Variants in NEXN observed in about 807,000 individuals in gnomAD.
NEXN encodes the protein nexilin.
In NEXN, 65 loss-of-function variants were observed where a neutral mutation model predicts 92.6. The ratio of observed to expected loss-of-function variants is 0.70; its 90% CI spans 0.57 to 0.86. The LOEUF is 0.86. Ranked by LOEUF, NEXN falls within the 40% of genes least tolerant of loss-of-function variation. The pLI is 0.00. For missense variants in NEXN, 778 were observed against 771.1 expected (o/e 1.01, Z -0.11); for synonymous variants, 254 against 242.5 (o/e 1.05, Z -0.44).
In NEXN at chr1:77,942,412, C is replaced by T. The variant is rs749569554; in HGVS notation, c.1660-49C>T. 4.4e-6 allele frequency: 7 copies of T among 1,582,034 alleles called. No individual in the cohort carries two copies. The African/African-American group carries it at 8.1e-5, about 18-fold the overall frequency. ...TTTCAAAATTGTTACTAAATCGCTGCCCTGAAAATACTATAAATGCCAACC... is the reference window on the plus strand; with the variant it reads ...TTTCAAAATTGTTACTAAATCGCTGTCCTGAAAATACTATAAATGCCAACC... On this transcript the variant is annotated intron_variant, in intron 12 of 12. Coordinates refer to ENST00000334785, the MANE Select transcript of NEXN (RefSeq NM_144573.4).
Position 77,942,557 on chromosome 1 carries a change from A to C in NEXN, c.1756A>C (p.Lys586Gln). 1.9e-6 allele frequency: 3 copies of C among 1,613,942 alleles called. No homozygotes were observed. The highest frequency in any genetic ancestry group is 2.5e-6 in the Non-Finnish European group (3 of 1,179,842). Reference sequence around the variant, plus strand: ...CAGATCAGGAGCTCCATGGTTCAAGAAGCCTCTTAAAAACACATCAGTTGT... The same window carrying C: ...CAGATCAGGAGCTCCATGGTTCAAGCAGCCTCTTAAAAACACATCAGTTGT... ...QTRSGAPWFK[K>Q]PLKNTSVVDS... is the part of the protein sequence containing the mutation. The change falls in exon 13 of 13, where the codon AAG becomes CAG. Residue 586 changes from lysine to glutamine, a missense_variant. Around this residue, in one of 3 missense-constraint regions of NEXN, gnomAD observed 532 missense variants for 476.7 expected, o/e 1.12. Coordinates refer to ENST00000334785, the MANE Select transcript of NEXN (RefSeq NM_144573.4).
At chr1:77,903,310 T>A (rs1647863862) in intron 1 of NEXN, among the ~76,000 whole-genome samples, 2 of 152,292 alleles carry the variant, frequency 1.3e-5, no homozygotes, top group African/African-American at 4.8e-5. Context: ...ACCAATAATG[T>A]ATACTTAAAT....
In NEXN at chr1:77,918,169, G is replaced by A. The variant is rs1557974750; in HGVS notation, c.343G>A (p.Glu115Lys). The stretch of plus-strand genomic sequence containing the variant: ...TGCTGAAATGGAGAAACAAAGACAA[G>A]AGGAACAAAGGAAGAGAACGGAGGA... ...RFAEMEKQRQEEQRKRTEEER... is the reference protein window; with the variant it reads ...RFAEMEKQRQKEQRKRTEEER... Residue 115 changes from glutamate (E) to lysine (K), a missense_variant, in exon 5 of 13, where the codon GAG becomes AAG. By Grantham distance (56) the Glu-to-Lys change is moderately conservative. Around this residue, in one of 3 missense-constraint regions of NEXN, gnomAD observed 236 missense variants for 265.6 expected, o/e 0.89. Coordinates refer to ENST00000334785, the MANE Select transcript of NEXN (RefSeq NM_144573.4). 2 of 1,613,938 alleles carry A rather than the reference G, an allele frequency of 1.2e-6. No homozygotes were observed. The highest frequency in any genetic ancestry group is 4.5e-5 in the East Asian group (2 of 44,860).
chr1:77,900,598 T>A (rs1263557817), intron 1 of NEXN, among the ~76,000 whole-genome samples: 1 of 152,192 alleles, frequency 6.6e-6, no homozygotes, highest in Non-Finnish European at 1.5e-5. Flanking sequence ...TGATAAATTG[T>A]GTATGGGTTA....
chr1:77,941,963 G>T, intron 11 of NEXN, 60 bp from the exon 12 acceptor site: 2 of 1,521,028 alleles, frequency 1.3e-6, no homozygotes, highest in Non-Finnish European at 1.8e-6. Flanking sequence ...TTTAGAACTA[G>T]TAACGCTTCT....
At chr1:77,917,282 T>C (rs1477302554) in intron 2 of NEXN, among the ~76,000 whole-genome samples, 1 of 152,218 alleles carries the variant, frequency 6.6e-6, no homozygotes, top group African/African-American at 2.4e-5. Context: ...TTGATTTTTA[T>C]ATTTTACTGG....
chr1:77,926,337 C>A, intron 6 of NEXN, 77 bp from the exon 7 acceptor site: 1 of 921,706 alleles, frequency 1.1e-6, no homozygotes, highest in Non-Finnish European at 1.7e-6. Flanking sequence ...TGAAATTCAC[C>A]TATGATGGAG....
chr1:77,923,938 A>G (rs1347374773), intron 5 of NEXN, among the ~76,000 whole-genome samples: 7 of 152,088 alleles, frequency 4.6e-5, no homozygotes, highest in African/African-American at 1.4e-4. Flanking sequence ...AGCCTCTCAA[A>G]GTGCTGGGAT....
chr1:77,929,539 A>G (rs1193265779), intron 9 of NEXN, 35 bp downstream of exon 9: 2 of 1,610,476 alleles, frequency 1.2e-6, no homozygotes, highest in African/African-American at 1.3e-5. Context: ...TGCTATTAGA[A>G]TTCACCTTTG....
chr1:77,895,520 A>C (rs1647215838), intron 1 of NEXN, among the ~76,000 whole-genome samples: 1 of 152,204 alleles, frequency 6.6e-6, no homozygotes, highest in Admixed American at 6.5e-5. Flanking sequence ...TGTAAGAATT[A>C]GGTTTCAACA....
chr1:77,896,264 T>C (rs1647250802), intron 1 of NEXN, among the ~76,000 whole-genome samples: 1 of 152,134 alleles, frequency 6.6e-6, no homozygotes, highest in Admixed American at 6.5e-5. Flanking sequence ...TGCCTTTTAA[T>C]TTAATCTCCA....
Position 77,926,501 on chromosome 1 carries a change from GA to G in NEXN, c.582del (p.Glu195AsnfsTer16), listed in dbSNP as rs1649853605. The G allele has an allele frequency of 6.2e-7, 1 of 1,611,650 alleles. No homozygotes were observed. The highest frequency in any genetic ancestry group is 2.2e-5 in the East Asian group (1 of 44,754). ...GKMKKNFEDL[E>X]KEREEKERIK... ...AATGAAAAAGAATTTTGAGGATCTAGAAAAAGAACGTGAAGAGAAAGAAAGG... is the reference window on the plus strand; with the variant it reads ...AATGAAAAAGAATTTTGAGGATCTAGAAAAGAACGTGAAGAGAAAGAAAGG... On this transcript the variant is annotated frameshift_variant, in exon 7 of 13. Coordinates refer to ENST00000334785, the MANE Select transcript of NEXN (RefSeq NM_144573.4). LOFTEE classifies it high-confidence loss of function.
At chr1:77,937,718 A>T (rs1650892626) in intron 11 of NEXN, among the ~76,000 whole-genome samples, 1 of 152,154 alleles carries the variant, frequency 6.6e-6, no homozygotes, top group Non-Finnish European at 1.5e-5. Flanking sequence ...AATAAAAAAA[A>T]TTATTTGAAT....
At position 77,914,306 on chromosome 1, in the gene NEXN, TG is replaced by T. The variant is rs1648797519; in HGVS notation, c.-52-1745del. ...GTACCACTCCAATAGGTGGTAATAA[TG>T]GGGTTATCCAGTGTTGATAATGGGG... On this transcript the variant is annotated intron_variant, in intron 1 of 12. Coordinates refer to ENST00000334785, the MANE Select transcript of NEXN (RefSeq NM_144573.4). Among the ~76,000 whole-genome samples, 7 of 152,242 alleles carry T rather than the reference TG, an allele frequency of 4.6e-5. No individual in the cohort carries two copies. The South Asian group carries it at 1.5e-3, about 32-fold the overall frequency.
At chr1:77,906,082 T>C (rs773452237) in intron 1 of NEXN, among the ~76,000 whole-genome samples, 2 of 151,848 alleles carry the variant, frequency 1.3e-5, no homozygotes, top group Non-Finnish European at 2.9e-5. Flanking sequence ...GAGAGAGGTA[T>C]AGAAGCCCTC....
chr1:77,926,072 T>C (rs903439007), intron 6 of NEXN, among the ~76,000 whole-genome samples: 1 of 152,122 alleles, frequency 6.6e-6, no homozygotes, highest in East Asian at 1.9e-4. Flanking sequence ...CACCATCAAA[T>C]TGATTTAGAG....
chr1:77,939,071 T>C (rs1393397414), intron 11 of NEXN, among the ~76,000 whole-genome samples: 1 of 152,102 alleles, frequency 6.6e-6, no homozygotes, highest in Non-Finnish European at 1.5e-5. Context: ...AGGCATGAAG[T>C]TGGGGCCAAG....
intron 1 of NEXN, chr1:77,889,242 A>T (rs1027813814): frequency 6.6e-6 from 1 of 152,448 alleles, no homozygotes; most frequent in Non-Finnish European, 1.5e-5. Flanking sequence ...CAGCAGTGCC[A>T]GTTAAGAAAT....
chr1:77,906,458 C>T (rs1648119437), intron 1 of NEXN, among the ~76,000 whole-genome samples: 1 of 152,020 alleles, frequency 6.6e-6, no homozygotes, highest in African/African-American at 2.4e-5. Context: ...ATATAATTAT[C>T]ATTAGGATAT....
Sources: allele counts gnomAD v4.1 joint callset (sites outside exome capture counted in the v4.1 genomes callset), GRCh38; gene constraint gnomAD v4.1.1; regional missense constraint gnomAD v4.1.1; transcripts MANE v1.5; gene names NCBI Gene and HGNC (gene_info 2026-07-23, HGNC 2026-07-21).